CACNA1S: variants seen among roughly 807,000 people sequenced by gnomAD.
CACNA1S encodes voltage-dependent L-type calcium channel subunit alpha-1S.
CACNA1S carries 126 observed loss-of-function variants against 207.4 expected under a neutral mutation model. That is an observed-to-expected ratio of 0.61 (90% confidence interval 0.53 to 0.70). CACNA1S has a LOEUF of 0.70. Ranked by LOEUF, CACNA1S falls within the 30% of genes least tolerant of loss-of-function variation. CACNA1S has a pLI of 0.00. For missense variants in CACNA1S, 2,349 were observed against 2,422.8 expected (o/e 0.97, Z 0.64); for synonymous variants, 960 against 932.7 (o/e 1.03, Z -0.53).
At chr1:201,104,498 A>T (rs1662802209) in intron 2 of CACNA1S, among the ~76,000 whole-genome samples, 1 of 152,362 alleles carries the variant, frequency 6.6e-6, no homozygotes, top group African/African-American at 2.4e-5. Context: ...CCTGTAGGAC[A>T]TTAACCAGCT....
At position 201,045,256 on chromosome 1, in the gene CACNA1S, C is replaced by T. The variant is rs1373685380; in HGVS notation, c.4669-800G>A. 2.6e-5 allele frequency among the ~76,000 whole-genome samples: 4 copies of T among 152,168 alleles called. No homozygotes were observed. The East Asian group carries it at 7.7e-4, about 29-fold the overall frequency. On this transcript the variant is annotated intron_variant, in intron 38 of 43. Transcript: ENST00000362061. ...AGACAAACCCCAACTGAGGGACATA[C>T]TGACCTGCAGTCTTCAAGTGTCAAG...
chr1:201,069,102 T>C, intron 19 of CACNA1S, 35 bp downstream of exon 19: 4 of 1,594,052 alleles, frequency 2.5e-6, no homozygotes, highest in Middle Eastern at 3.3e-4. Flanking sequence ...TCAGGGAAAC[T>C]CCCTCCCCAG....
intron 40 of CACNA1S, chr1:201,041,927 C>T: frequency 2.5e-6 from 1 of 396,898 alleles, no homozygotes; most frequent in Non-Finnish European, 4.8e-6. Flanking sequence ...ACCTGAGGAG[C>T]TCAAAGGTGA....
At chr1:201,041,698 A>G (rs528118777) in intron 40 of CACNA1S, 109 bp from the exon 41 acceptor site, 7 of 813,018 alleles carry the variant, frequency 8.6e-6, no homozygotes, top group South Asian at 7.2e-5. Context: ...TACAAGGCCA[A>G]CCTAGTGTAG....
chr1:201,060,626 G>A (rs376441267), intron 26 of CACNA1S, 32 bp downstream of exon 26: 9 of 1,610,188 alleles, frequency 5.6e-6, no homozygotes, highest in African/African-American at 1.3e-5. Context: ...GTCCCAGTCT[G>A]ATCAGACATT....
chr1:201,050,263 C>A, intron 34 of CACNA1S, 126 bp downstream of exon 34: 1 of 1,049,204 alleles, frequency 9.5e-7, no homozygotes, highest in Non-Finnish European at 1.5e-6. Flanking sequence ...GATCTGAGAC[C>A]TCAGATAAAT....
intron 7 of CACNA1S, among the ~76,000 whole-genome samples, chr1:201,086,674 G>A (rs1252179068): frequency 6.6e-6 from 1 of 152,254 alleles, no homozygotes; most frequent in Non-Finnish European, 1.5e-5. Flanking sequence ...TCATCATGCA[G>A]CACATGACTG....
intron 10 of CACNA1S, 143 bp from the exon 11 acceptor site, chr1:201,078,247 C>T: frequency 2.8e-6 from 2 of 726,598 alleles, no homozygotes; most frequent in South Asian, 3.0e-5. Context: ...GTGCAGGGGG[C>T]AGGGCCTCAC....
At chr1:201,096,457 C>T (rs1423789452) in intron 2 of CACNA1S, among the ~76,000 whole-genome samples, 1 of 152,218 alleles carries the variant, frequency 6.6e-6, no homozygotes, top group East Asian at 1.9e-4. Context: ...AGTCATTCCA[C>T]AGATATTTAT....
chr1:201,108,136 C>T lies in CACNA1S; in HGVS notation c.258+2028G>A, dbSNP rs190754792. Among the ~76,000 whole-genome samples the T allele has an allele frequency of 5.2e-3, 769 of 147,368 alleles. 39 individuals carry two copies. Among genetic ancestry groups the T allele is most frequent in the Admixed American group, 0.048 (717 of 14,838 alleles). On this transcript the variant is annotated intron_variant, in intron 2 of 43. Coordinates refer to ENST00000362061, the MANE Select transcript of CACNA1S (RefSeq NM_000069.3). ...TTTTTTTTTTTTTGAGACAGGGTCT[C>T]ACTGTGTCACTCGGGCTGGAGTGCA...
chr1:201,102,648 G>A (rs1049725489), intron 2 of CACNA1S, among the ~76,000 whole-genome samples: 3 of 152,172 alleles, frequency 2.0e-5, no homozygotes, highest in African/African-American at 7.2e-5. Flanking sequence ...GACTAAGGTA[G>A]GTACTCTTAT....
Position 201,068,528 on chromosome 1 carries a change from C to T in CACNA1S, c.2550+609G>A, listed in dbSNP as rs758860309. 3.6e-4 allele frequency among the ~76,000 whole-genome samples: 53 copies of T among 148,262 alleles called. 1 individual carries two copies. The highest frequency in any genetic ancestry group is 1.3e-3 in the African/African-American group (52 of 40,730). ...AAAGTGCTGGGATTACAGGCGTGAG[C>T]CACTGCGCCCGGCCACCAGGTCTGC... On this transcript the variant is annotated intron_variant, in intron 19 of 43. Transcript: ENST00000362061.
At chr1:201,047,423 G>GGATCT in intron 37 of CACNA1S, 102 bp downstream of exon 37, 2 of 1,255,000 alleles carry the variant, frequency 1.6e-6, no homozygotes, top group Admixed American at 3.7e-5. Context: ...CATTTATGGA[G>GGATCT]GATCTGGTCC....
At chr1:201,079,200 T>A (rs1180935790) in intron 10 of CACNA1S, among the ~76,000 whole-genome samples, 1 of 151,538 alleles carries the variant, frequency 6.6e-6, no homozygotes, top group Non-Finnish European at 1.5e-5. Flanking sequence ...CCTGTCACCG[T>A]CAAACTCCCG....
At chr1:201,074,148 C>G (rs187182104) in intron 14 of CACNA1S, among the ~76,000 whole-genome samples, 11 of 149,830 alleles carry the variant, frequency 7.3e-5, no homozygotes, top group African/African-American at 2.4e-4. Context: ...CACCGGGGAG[C>G]CTGTTCGATG....
intron 19 of CACNA1S, 78 bp downstream of exon 19, chr1:201,069,059 C>CCCTGA: frequency 1.6e-6 from 2 of 1,273,586 alleles, no homozygotes; most frequent in Non-Finnish European, 2.3e-6. Flanking sequence ...TCTCTCCAGC[C>CCCTGA]CCTGAGTTCA....
chr1:201,074,709 C>A (rs947876615), intron 13 of CACNA1S, 89 bp from the exon 14 acceptor site: 19 of 752,430 alleles, frequency 2.5e-5, no homozygotes, highest in Non-Finnish European at 4.0e-5. Context: ...TGGGCAGGAC[C>A]TAACCCCACT....
At chr1:201,061,571 A>T in intron 24 of CACNA1S, 103 bp from the exon 25 acceptor site, 1 of 1,127,728 alleles carries the variant, frequency 8.9e-7, no homozygotes, top group East Asian at 2.4e-5. Flanking sequence ...GAGAGCCAAG[A>T]GAGCCTTCTC....
intron 39 of CACNA1S, 106 bp from the exon 40 acceptor site, chr1:201,043,637 C>A: frequency 2.9e-6 from 3 of 1,049,274 alleles, no homozygotes; most frequent in South Asian, 1.3e-5. Flanking sequence ...TATTGGGAGA[C>A]AAATCTTATA....
Sources: allele counts gnomAD v4.1 joint callset (sites outside exome capture counted in the v4.1 genomes callset), GRCh38; gene constraint gnomAD v4.1.1; transcripts MANE v1.5; gene names NCBI Gene and HGNC (gene_info 2026-07-23, HGNC 2026-07-21).